Variants in HOMER1 observed in about 807,000 individuals in gnomAD.
HOMER1 encodes the protein homer protein homolog 1.
Under a neutral mutation model 48.9 loss-of-function variants are expected in HOMER1, and 3 were observed. That is an observed-to-expected ratio of 0.06 (90% CI 0.03 to 0.16). The LOEUF (loss-of-function observed/expected upper bound fraction) is 0.16, where lower values mean the gene tolerates loss of function less well. Among genes scored for constraint, HOMER1 ranks in the 10% least tolerant of loss-of-function variants. The pLI is 1.00. For missense variants in HOMER1, 247 were observed against 411.4 expected (o/e 0.60, Z 3.46); for synonymous variants, 134 against 146.4 (o/e 0.92, Z 0.61).
At chr5:79,380,553 G>A (rs982761087) in intron 8 of HOMER1, among the ~76,000 whole-genome samples, 2 of 152,220 alleles carry the variant, frequency 1.3e-5, no homozygotes, top group Admixed American at 1.3e-4. Flanking sequence ...TGCCACCAGT[G>A]AAGGTGGCAT....
chr5:79,389,898 CA>C (rs112838587), intron 8 of HOMER1, among the ~76,000 whole-genome samples: 1 of 151,798 alleles, frequency 6.6e-6, no homozygotes, highest in South Asian at 2.1e-4. Context: ...ATAATGCAAC[CA>C]AAAAACAGGG....
At chr5:79,383,560 A>T (rs1459732270) in intron 8 of HOMER1, among the ~76,000 whole-genome samples, 3 of 151,806 alleles carry the variant, frequency 2.0e-5, no homozygotes, top group African/African-American at 7.3e-5. Flanking sequence ...TCATTTTTGT[A>T]TTTTTAGTAG....
At position 79,398,196 on chromosome 5, in the gene HOMER1, AAT is replaced by A. The variant is rs138124460; in HGVS notation, c.685-561_685-560del. Among the ~76,000 whole-genome samples the A allele has an allele frequency of 0.012, 1,822 of 152,212 alleles. 86 individuals carry two copies. The East Asian group carries it at 0.18, about 15-fold the overall frequency. The stretch of plus-strand genomic sequence containing the variant: ...AGAATTTACTGGGGGCCCAAAGAGT[AAT>A]ATAACTTTTAATGAGCACTTGGTAT... On this transcript the variant is annotated intron_variant, in intron 6 of 8. Transcript: ENST00000334082.
intron 5 of HOMER1, among the ~76,000 whole-genome samples, chr5:79,433,342 T>C (rs528052879): frequency 1.3e-5 from 2 of 152,248 alleles, no homozygotes; most frequent in South Asian, 4.1e-4. Context: ...AGGTGGATAA[T>C]TTGAGGTCAG....
chr5:79,381,663 T>C (rs1283408902), intron 8 of HOMER1, among the ~76,000 whole-genome samples: 1 of 152,084 alleles, frequency 6.6e-6, no homozygotes, highest in South Asian at 2.1e-4. Context: ...GGCAGGCAGA[T>C]TGCTTGAGGT....
chr5:79,497,490 AAAAT>A (rs375059979), intron 1 of HOMER1, among the ~76,000 whole-genome samples: 2,548 of 151,692 alleles, frequency 0.017, 80 homozygotes, highest in African/African-American at 0.058. Flanking sequence ...TCTCTACTAA[AAAAT>A]AAATAAATAA....
intron 1 of HOMER1, among the ~76,000 whole-genome samples, chr5:79,461,476 T>C (rs1751316481): frequency 6.6e-6 from 1 of 152,246 alleles, no homozygotes; most frequent in Admixed American, 6.5e-5. Context: ...GAATGGTCCA[T>C]GTTCAAACAA....
chr5:79,428,751 C>G (rs1199088206), intron 5 of HOMER1, among the ~76,000 whole-genome samples: 1 of 151,992 alleles, frequency 6.6e-6, no homozygotes, highest in East Asian at 1.9e-4. Context: ...CTCTGAAAAC[C>G]AAACAACATC....
intron 1 of HOMER1, among the ~76,000 whole-genome samples, chr5:79,488,645 A>T (rs1051285969): frequency 6.6e-6 from 1 of 152,208 alleles, no homozygotes; most frequent in African/African-American, 2.4e-5. Context: ...CATCCTTCAC[A>T]TAGGTAATAG....
rs907725821 is a variant in HOMER1 at position 79,374,118 on chromosome 5, T to C, written c.*1891A>G. 1 of 152,448 alleles carries C rather than the reference T, an allele frequency of 6.6e-6. No homozygotes were observed. The highest frequency in any genetic ancestry group is 2.4e-5 in the African/African-American group (1 of 41,436). The allele number at this position is 152,448 out of a possible 1,614,324, so 9.4% of individuals were successfully genotyped here. On this transcript the variant is annotated 3_prime_UTR_variant, in exon 9 of 9. Coordinates refer to ENST00000334082, the MANE Select transcript of HOMER1 (RefSeq NM_004272.5). ...TAAATTAAAACTTGGTGCTCTTTGT[T>C]ACTCAGAAACTGATGGATAAAAACA...
intron 1 of HOMER1, among the ~76,000 whole-genome samples, chr5:79,509,241 T>C (rs1295519221): frequency 6.6e-6 from 1 of 152,150 alleles, no homozygotes; most frequent in African/African-American, 2.4e-5. Context: ...GCAGGTGAGA[T>C]AAATCAGAAA....
intron 1 of HOMER1, among the ~76,000 whole-genome samples, chr5:79,481,961 G>C (rs1253273764): frequency 6.6e-6 from 1 of 152,310 alleles, no homozygotes; most frequent in East Asian, 1.9e-4. Context: ...GCTCACACCT[G>C]TAATACCAGC....
intron 1 of HOMER1, among the ~76,000 whole-genome samples, chr5:79,494,774 CG>C (rs1411705192): frequency 9.2e-5 from 14 of 152,158 alleles, no homozygotes; most frequent in Non-Finnish European, 1.9e-4. Context: ...GAGGCTGAGG[CG>C]GAAGAATCGA....
At chr5:79,422,825 CTCTT>C (rs1458659867) in intron 5 of HOMER1, among the ~76,000 whole-genome samples, 8 of 143,134 alleles carry the variant, frequency 5.6e-5, no homozygotes, top group South Asian at 2.2e-4. Context: ...AAAAGATGAT[CTCTT>C]TTTTTTTTTT....
intron 1 of HOMER1, among the ~76,000 whole-genome samples, chr5:79,481,013 A>C (rs1468829987): frequency 6.6e-6 from 1 of 152,248 alleles, no homozygotes; most frequent in African/African-American, 2.4e-5. Flanking sequence ...CATATAAAGC[A>C]ATAGTCTATG....
At chr5:79,378,783 A>C (rs1259733311) in intron 8 of HOMER1, among the ~76,000 whole-genome samples, 1 of 152,054 alleles carries the variant, frequency 6.6e-6, no homozygotes, top group Non-Finnish European at 1.5e-5. Flanking sequence ...TTTCCTTGCC[A>C]ATCAATGCAA....
intron 1 of HOMER1, among the ~76,000 whole-genome samples, chr5:79,473,305 T>C (rs1751672387): frequency 6.6e-6 from 1 of 152,232 alleles, no homozygotes; most frequent in East Asian, 1.9e-4. Flanking sequence ...TTCTTAAACA[T>C]TATCAGACAT....
intron 1 of HOMER1, among the ~76,000 whole-genome samples, chr5:79,505,104 T>C (rs1752711440): frequency 6.6e-6 from 1 of 151,892 alleles, no homozygotes; most frequent in Admixed American, 6.6e-5. Flanking sequence ...CTACCAAAAA[T>C]ACAAAAATTA....
chr5:79,401,266 A>C (rs1305163444), intron 6 of HOMER1, among the ~76,000 whole-genome samples: 1 of 152,230 alleles, frequency 6.6e-6, no homozygotes, highest in African/African-American at 2.4e-5. Context: ...TACAGAATAC[A>C]TACTTTTGAC....
Sources: gnomAD v4.1 joint callset for allele counts (sites outside exome capture counted in the v4.1 genomes callset) on GRCh38, gnomAD v4.1.1 for gene constraint, MANE v1.5 for transcripts, NCBI Gene and HGNC (gene_info 2026-07-23, HGNC 2026-07-21) for gene names.